Variants in ZDHHC21 observed in about 807,000 individuals in gnomAD.
The protein encoded by ZDHHC21 is zDHHC palmitoyltransferase 21.
In ZDHHC21, 15 loss-of-function variants were observed where a neutral mutation model predicts 34.6. The ratio of observed to expected loss-of-function variants is 0.43; its 90% CI spans 0.29 to 0.67. The LOEUF (loss-of-function observed/expected upper bound fraction) is 0.67. Ranked by LOEUF, ZDHHC21 falls within the 30% of genes least tolerant of loss-of-function variation. ZDHHC21 has a pLI of 0.14. For missense variants in ZDHHC21, 344 were observed against 327.7 expected (o/e 1.05, Z -0.38); for synonymous variants, 142 against 101.8 (o/e 1.40, Z -2.38).
At chr9:14,590,266 C>G in the ZDHHC21 span, among the ~76,000 whole-genome samples, 3 of 151,912 alleles carry the variant, frequency 2.0e-5, no homozygotes, top group Non-Finnish European at 4.4e-5. Context: ...GAAAAAAAGC[C>G]TTGGAAAATA....
chr9:14,597,816 T>C, the ZDHHC21 span, among the ~76,000 whole-genome samples: 1 of 152,040 alleles, frequency 6.6e-6, no homozygotes, highest in Non-Finnish European at 1.5e-5. Flanking sequence ...CACCTGTGCC[T>C]ACCTTCTGGG....
Position 14,685,345 on chromosome 9 carries a change from A to G in ZDHHC21, c.-176+4992T>C, listed in dbSNP as rs566140003. 2.9e-3 allele frequency among the ~76,000 whole-genome samples: 443 copies of G among 151,972 alleles called. 1 individual carries two copies. The highest frequency in any genetic ancestry group is 6.3e-3 in the Admixed American group (96 of 15,282). On this transcript the variant is annotated intron_variant, in intron 2 of 9. Transcript: ENST00000380916. ...TATCCAGAATCTACAAAGAACTCAA[A>G]CAAATTTACAAGAAAAAAACAAACA...
intron 3 of ZDHHC21, among the ~76,000 whole-genome samples, chr9:14,675,298 A>G: frequency 6.6e-6 from 1 of 151,978 alleles, no homozygotes; most frequent in East Asian, 1.9e-4. Flanking sequence ...ATTGCTGTAT[A>G]AAGTCTAGGG....
At chr9:14,605,187 T>C in the ZDHHC21 span, among the ~76,000 whole-genome samples, 178 of 147,064 alleles carry the variant, frequency 1.2e-3, 2 homozygotes, top group Admixed American at 1.5e-3. Context: ...CAAATATCTC[T>C]TCCAGATCCT....
Position 14,612,688 on chromosome 9 carries a change from CTCTG to C in ZDHHC21, c.*6274_*6277del, listed in dbSNP as rs1197738748. 4 of 151,718 alleles carry C rather than the reference CTCTG, an allele frequency of 2.6e-5. No individual in the cohort carries two copies. Among genetic ancestry groups the C allele is most frequent in the Non-Finnish European group, 5.9e-5 (4 of 67,808 alleles). 9.4% of individuals were successfully genotyped at this position (151,718 alleles called of 1,614,324 possible). A position where few individuals can be genotyped will look rare whatever the true frequency, so the allele number is the denominator to read the frequency against. ...TTTCCTCTTGGGAAAGCATCTCTCTCTCTGTCTCTCTCTCTGTCTGTCTGTCTCT... is the reference window on the plus strand; with the variant it reads ...TTTCCTCTTGGGAAAGCATCTCTCTCTCTCTCTCTCTGTCTGTCTGTCTCT... On this transcript the variant is annotated 3_prime_UTR_variant, in exon 10 of 10. Transcript: ENST00000380916.
At chr9:14,692,728 A>T (rs1839337389) in intron 1 of ZDHHC21, among the ~76,000 whole-genome samples, 1 of 152,136 alleles carries the variant, frequency 6.6e-6, no homozygotes, top group Non-Finnish European at 1.5e-5. Flanking sequence ...TGAGAAGGTC[A>T]ATAAAGGAGC....
At chr9:14,608,564 G>C (rs866351218), downstream of ZDHHC21, among the ~76,000 whole-genome samples, 1 of 152,078 alleles carries the variant, frequency 6.6e-6, no homozygotes, top group African/African-American at 2.4e-5. Context: ...TTCTTGTTTG[G>C]AGAAGGGGCC....
Position 14,621,508 on chromosome 9 carries a change from A to G in ZDHHC21, c.622-1826T>C, listed in dbSNP as rs1170835894. ...AAATAACTAAAATACTATCTATTAA[A>G]TCATCATAAGCATGGTTATTCTTTC... On this transcript the variant is annotated intron_variant, in intron 8 of 9. Transcript: ENST00000380916. 5.3e-5 allele frequency among the ~76,000 whole-genome samples: 8 copies of G among 152,250 alleles called. No individual in the cohort carries two copies. In the East Asian group the frequency reaches 1.5e-3, roughly 29 times the overall value.
chr9:14,649,151 T>C (rs1260058139), intron 7 of ZDHHC21, among the ~76,000 whole-genome samples: 1 of 152,046 alleles, frequency 6.6e-6, no homozygotes, highest in East Asian at 1.9e-4. Context: ...ATGTTTTCTG[T>C]GGGGGAAAGT....
chr9:14,594,772 T>TA, the ZDHHC21 span, among the ~76,000 whole-genome samples: 3 of 152,054 alleles, frequency 2.0e-5, no homozygotes, highest in Non-Finnish European at 4.4e-5. Context: ...TAAAAGAAAA[T>TA]ATTTGCAAAT....
the ZDHHC21 span, among the ~76,000 whole-genome samples, chr9:14,596,351 C>T: frequency 1.3e-5 from 2 of 152,186 alleles, no homozygotes; most frequent in Non-Finnish European, 2.9e-5. Context: ...CCAAGCAAGC[C>T]GCTAGGTTGT....
At chr9:14,685,261 C>A (rs1409545885) in intron 2 of ZDHHC21, among the ~76,000 whole-genome samples, 4 of 151,082 alleles carry the variant, frequency 2.6e-5, no homozygotes, top group Admixed American at 1.3e-4. Flanking sequence ...TCAGAGTGAA[C>A]AGGCAACCTA....
chr9:14,621,133 C>T (rs1825231156), intron 8 of ZDHHC21, among the ~76,000 whole-genome samples: 1 of 151,904 alleles, frequency 6.6e-6, no homozygotes, highest in Non-Finnish European at 1.5e-5. Flanking sequence ...GCAATTAAAA[C>T]AACTTACACA....
chr9:14,680,760 G>C (rs1489444760), intron 2 of ZDHHC21, among the ~76,000 whole-genome samples: 3 of 152,150 alleles, frequency 2.0e-5, no homozygotes, highest in Admixed American at 6.5e-5. Flanking sequence ...AGATGAAAAA[G>C]AGAGGCTCTA....
intron 5 of ZDHHC21, among the ~76,000 whole-genome samples, chr9:14,664,369 G>T (rs1374577329): frequency 6.6e-6 from 1 of 151,454 alleles, no homozygotes; most frequent in African/African-American, 2.4e-5. Context: ...TGCCCACGGA[G>T]TCTCGCTGAT....
At chr9:14,652,880 T>C (rs1397367228) in intron 7 of ZDHHC21, among the ~76,000 whole-genome samples, 2 of 152,002 alleles carry the variant, frequency 1.3e-5, no homozygotes, top group Non-Finnish European at 1.5e-5. Flanking sequence ...ACACTTTCTC[T>C]TCTGACCCAG....
intron 2 of ZDHHC21, among the ~76,000 whole-genome samples, chr9:14,685,788 A>G (rs1457454277): frequency 6.6e-6 from 1 of 152,230 alleles, no homozygotes; most frequent in Non-Finnish European, 1.5e-5. Context: ...ACAATAGCAA[A>G]GACTTGGAAC....
intron 3 of ZDHHC21, among the ~76,000 whole-genome samples, 158 bp from the exon 4 acceptor site, chr9:14,674,543 T>C (rs1410994414): frequency 1.3e-5 from 2 of 152,076 alleles, no homozygotes; most frequent in African/African-American, 2.4e-5. Flanking sequence ...TTTGTATATA[T>C]ATTTTTACAA....
the ZDHHC21 span, among the ~76,000 whole-genome samples, chr9:14,596,360 G>A: frequency 6.6e-6 from 1 of 152,230 alleles, no homozygotes; most frequent in Non-Finnish European, 1.5e-5. Flanking sequence ...CCGCTAGGTT[G>A]TTGGTATGAA....
Sources: allele counts gnomAD v4.1 joint callset (sites outside exome capture counted in the v4.1 genomes callset), GRCh38; gene constraint gnomAD v4.1.1; transcripts MANE v1.5; gene names NCBI Gene and HGNC (gene_info 2026-07-23, HGNC 2026-07-21).